KDM4C: variants seen among roughly 807,000 people sequenced by gnomAD.
KDM4C encodes lysine demethylase 4C.
A neutral mutation model predicts 129.3 loss-of-function variants in KDM4C; 81 were observed. That is an observed-to-expected ratio of 0.63 (90% CI 0.52 to 0.75). The LOEUF (loss-of-function observed/expected upper bound fraction) is 0.75. Ranked by LOEUF, KDM4C falls within the 30% of genes least tolerant of loss-of-function variation. The probability of loss-of-function intolerance (pLI) is 0.00; values close to 1 mark genes in which losing one functional copy is unlikely to be tolerated. For synonymous variants in KDM4C, 573 were observed against 456.1 expected (o/e 1.26, Z -3.26); for missense variants, 1,457 against 1,304.0 (o/e 1.12, Z -1.81).
intron 17 of KDM4C, among the ~76,000 whole-genome samples, chr9:7,083,698 TA>T (rs1834794936): frequency 7.0e-6 from 1 of 142,828 alleles, no homozygotes; most frequent in Non-Finnish European, 1.5e-5. Flanking sequence ...ACGTCCCATG[TA>T]GCACATGACT....
chr9:6,870,306 C>G (rs1015009219), intron 5 of KDM4C, among the ~76,000 whole-genome samples: 2 of 152,008 alleles, frequency 1.3e-5, no homozygotes, highest in Non-Finnish European at 2.9e-5. Flanking sequence ...GGCCCTGTCA[C>G]TTCTTTCCTT....
chr9:6,794,084 C>T (rs1827271642), intron 2 of KDM4C, among the ~76,000 whole-genome samples: 1 of 152,342 alleles, frequency 6.6e-6, no homozygotes, highest in African/African-American at 2.4e-5. Flanking sequence ...CTGACTTATT[C>T]TCTCTCTACA....
intron 5 of KDM4C, among the ~76,000 whole-genome samples, chr9:6,850,975 G>A (rs1838737310): frequency 6.6e-6 from 1 of 151,402 alleles, no homozygotes; most frequent in South Asian, 2.1e-4. Context: ...GGCTGGTCTC[G>A]AACTCTTGAC....
At chr9:6,845,513 C>T (rs1837698973) in intron 4 of KDM4C, among the ~76,000 whole-genome samples, 1 of 152,166 alleles carries the variant, frequency 6.6e-6, no homozygotes, top group Non-Finnish European at 1.5e-5. Context: ...CTGTGCCTGG[C>T]CTACGAGTGC....
chr9:6,781,199 A>T (rs1413623383), intron 1 of KDM4C, among the ~76,000 whole-genome samples: 1 of 152,094 alleles, frequency 6.6e-6, no homozygotes, highest in Non-Finnish European at 1.5e-5. Flanking sequence ...GAATGGTCTT[A>T]TTACAAGGGC....
chr9:6,972,878 C>T (rs1382193609), intron 8 of KDM4C, among the ~76,000 whole-genome samples: 1 of 152,212 alleles, frequency 6.6e-6, no homozygotes, highest in African/African-American at 2.4e-5. Flanking sequence ...ATTGTAAGAA[C>T]ACTGAAATCC....
At chr9:6,929,471 CTTTTTTTTTTTTT>C (rs59537472) in intron 8 of KDM4C, among the ~76,000 whole-genome samples, 3 of 127,528 alleles carry the variant, frequency 2.4e-5, no homozygotes, top group Non-Finnish European at 5.0e-5. Flanking sequence ...TTGACTTTTT[CTTTTTTTTTTTTT>C]TTTTTTGGCA....
intron 11 of KDM4C, among the ~76,000 whole-genome samples, chr9:6,988,845 A>T (rs2131893156): frequency 6.6e-6 from 1 of 151,970 alleles, no homozygotes; most frequent in South Asian, 2.1e-4. Flanking sequence ...TCACTGTATC[A>T]GAAAGGCCTT....
intron 1 of KDM4C, among the ~76,000 whole-genome samples, chr9:6,750,549 C>T (rs1033748569): frequency 6.6e-6 from 1 of 151,940 alleles, no homozygotes; most frequent in African/African-American, 2.4e-5. Flanking sequence ...TCAGGAACAA[C>T]TGAAAGCACA....
chr9:6,801,469 C>T (rs1293673310), intron 2 of KDM4C, among the ~76,000 whole-genome samples: 1 of 151,112 alleles, frequency 6.6e-6, no homozygotes, highest in Non-Finnish European at 1.5e-5. Flanking sequence ...GATCTCCTGA[C>T]ATCGTGATCC....
At chr9:6,831,540 A>G (rs1030254449) in intron 4 of KDM4C, among the ~76,000 whole-genome samples, 3 of 151,988 alleles carry the variant, frequency 2.0e-5, no homozygotes, top group Non-Finnish European at 4.4e-5. Flanking sequence ...ATGGGGTTTC[A>G]CCATGTTGGC....
chr9:7,119,403 T>C (rs1405317221), intron 18 of KDM4C, among the ~76,000 whole-genome samples: 2 of 152,218 alleles, frequency 1.3e-5, no homozygotes, highest in Non-Finnish European at 2.9e-5. Context: ...TTAACAGTTC[T>C]GTCAATCTTG....
intron 19 of KDM4C, among the ~76,000 whole-genome samples, chr9:7,159,966 A>G (rs1369948926): frequency 6.6e-6 from 1 of 152,192 alleles, no homozygotes; most frequent in Non-Finnish European, 1.5e-5. Flanking sequence ...TTTCAGGTAC[A>G]CCAATCAAAT....
At chr9:7,133,988 C>T (rs912887760) in intron 19 of KDM4C, among the ~76,000 whole-genome samples, 3 of 152,194 alleles carry the variant, frequency 2.0e-5, no homozygotes, top group African/African-American at 7.2e-5. Flanking sequence ...TCAGTGAGCT[C>T]ACCTCAGCTT....
intron 2 of KDM4C, among the ~76,000 whole-genome samples, chr9:6,796,422 C>G (rs1278342525): frequency 6.6e-6 from 1 of 152,288 alleles, no homozygotes; most frequent in Middle Eastern, 3.4e-3. Flanking sequence ...TCTCTGGGCT[C>G]TGAATGCAGC....
chr9:6,727,540 A>C (rs1221938263), intron 1 of KDM4C: 1 of 176,362 alleles, frequency 5.7e-6, no homozygotes, highest in African/African-American at 2.7e-5. Flanking sequence ...GCAGATCACG[A>C]GGTCAGGAGA....
At chr9:7,117,475 T>C (rs1839030797) in intron 18 of KDM4C, among the ~76,000 whole-genome samples, 1 of 152,172 alleles carries the variant, frequency 6.6e-6, no homozygotes, top group Non-Finnish European at 1.5e-5. Flanking sequence ...AAAGGAAATA[T>C]TACCTTATTG....
At chr9:6,963,640 C>G (rs1186730779) in intron 8 of KDM4C, among the ~76,000 whole-genome samples, 2 of 152,202 alleles carry the variant, frequency 1.3e-5, no homozygotes, top group Admixed American at 6.5e-5. Flanking sequence ...GACAGGACAT[C>G]TGAGTTGATA....
chr9:6,858,716 G>A (rs1248888814), intron 5 of KDM4C, among the ~76,000 whole-genome samples: 3 of 151,628 alleles, frequency 2.0e-5, no homozygotes, highest in Non-Finnish European at 4.4e-5. Context: ...AGGTTTCAGT[G>A]AGCCAACATC....
Sources: allele counts gnomAD v4.1 joint callset (sites outside exome capture counted in the v4.1 genomes callset), GRCh38; gene constraint gnomAD v4.1.1; transcripts MANE v1.5; gene names NCBI Gene and HGNC (gene_info 2026-07-23, HGNC 2026-07-21).